The following CAST variants were observed in gnomAD, a reference collection of about 807,000 sequenced individuals.
CAST encodes MIR583 host.
A neutral mutation model predicts 119.6 loss-of-function variants in CAST; 76 were observed. The ratio of observed to expected loss-of-function variants is 0.64; its 90% CI spans 0.53 to 0.77. The LOEUF is 0.77. Among genes scored for constraint, CAST ranks in the 30% least tolerant of loss-of-function variants. CAST has a pLI of 0.00. For missense variants in CAST, 953 were observed against 946.5 expected (o/e 1.01, Z -0.09); for synonymous variants, 319 against 331.6 (o/e 0.96, Z 0.41).
At chr5:96,495,064 G>A in the CAST span, among the ~76,000 whole-genome samples, 3 of 150,552 alleles carry the variant, frequency 2.0e-5, no homozygotes, top group Admixed American at 1.3e-4. Flanking sequence ...GTTGTACTGA[G>A]CCGAGATCGG....
chr5:96,739,682 A>G (rs919963899), intron 11 of CAST, among the ~76,000 whole-genome samples: 4 of 152,232 alleles, frequency 2.6e-5, no homozygotes, highest in East Asian at 1.9e-4. Flanking sequence ...AGAAATGACA[A>G]AGCTGATAGA....
the CAST span, among the ~76,000 whole-genome samples, chr5:96,283,230 T>A: frequency 6.6e-6 from 1 of 152,166 alleles, no homozygotes; most frequent in Non-Finnish European, 1.5e-5. Context: ...TTTATTTATA[T>A]AACATAGATT....
the CAST span, among the ~76,000 whole-genome samples, chr5:96,443,678 C>G: frequency 6.6e-6 from 1 of 152,206 alleles, no homozygotes; most frequent in African/African-American, 2.4e-5. Context: ...CCTAAGCCCA[C>G]AGATTGTGAT....
chr5:96,087,154 C>G, the CAST span, among the ~76,000 whole-genome samples: 1 of 152,196 alleles, frequency 6.6e-6, no homozygotes, highest in African/African-American at 2.4e-5. Flanking sequence ...TGATATTAGA[C>G]AGTATTCCGT....
chr5:96,426,136 C>A, the CAST span, among the ~76,000 whole-genome samples: 1 of 152,112 alleles, frequency 6.6e-6, no homozygotes, highest in Non-Finnish European at 1.5e-5. Flanking sequence ...TAAAGTGCAC[C>A]TTTAGGGGGA....
chr5:96,233,822 C>T, the CAST span, among the ~76,000 whole-genome samples: 1 of 152,040 alleles, frequency 6.6e-6, no homozygotes, highest in Non-Finnish European at 1.5e-5. Context: ...ATATATAAAA[C>T]AGAAACCTTA....
the CAST span, among the ~76,000 whole-genome samples, chr5:95,988,345 G>A: frequency 2.6e-5 from 4 of 151,990 alleles, no homozygotes; most frequent in African/African-American, 9.7e-5. Context: ...CCTACCACAG[G>A]CAGTATACAA....
At chr5:96,307,552 G>A in the CAST span, among the ~76,000 whole-genome samples, 1 of 152,170 alleles carries the variant, frequency 6.6e-6, no homozygotes, top group South Asian at 2.1e-4. Context: ...AGTGTCTATG[G>A]TCTTTACAAT....
At chr5:96,564,858 G>A (rs770432439) in intron 1 of CAST, among the ~76,000 whole-genome samples, 1 of 152,184 alleles carries the variant, frequency 6.6e-6, no homozygotes, top group Non-Finnish European at 1.5e-5. Context: ...GCAGTGAGCT[G>A]TGATTGTGCC....
At chr5:96,358,272 A>G in the CAST span, among the ~76,000 whole-genome samples, 1 of 152,058 alleles carries the variant, frequency 6.6e-6, no homozygotes, top group East Asian at 1.9e-4. Context: ...TAATCTTTTC[A>G]AAAAACCAGT....
chr5:96,619,690 C>T (rs148214995), intron 1 of CAST, among the ~76,000 whole-genome samples: 25 of 152,170 alleles, frequency 1.6e-4, no homozygotes, highest in African/African-American at 4.8e-4. Flanking sequence ...GAAGCAACTC[C>T]GAACGCATCC....
chr5:96,680,354 C>CAAAAAAAAAAAAAAAAAAAAAAAAAA (rs71617135), intron 2 of CAST, among the ~76,000 whole-genome samples: 4 of 29,268 alleles, frequency 1.4e-4, no homozygotes, highest in African/African-American at 6.0e-4. Context: ...GACTCTGTCT[C>CAAAAAAAAAAAAAAAAAAAAAAAAAA]AAAAAAAAAA....
the CAST span, among the ~76,000 whole-genome samples, chr5:96,419,054 G>C: frequency 2.6e-5 from 4 of 151,750 alleles, no homozygotes; most frequent in African/African-American, 9.7e-5. Context: ...GTATGTCCAA[G>C]CCAAATATCC....
At position 96,648,714 on chromosome 5, in the gene CAST, A is replaced by ATGTG. The variant is rs1272998788; in HGVS notation, c.61-26823_61-26822insTGTG. 4.3e-4 allele frequency among the ~76,000 whole-genome samples: 47 copies of ATGTG among 108,414 alleles called. 1 individual carries two copies. Among genetic ancestry groups the ATGTG allele is most frequent in the Admixed American group, 3.6e-3 (35 of 9,590 alleles). 71.1% of individuals were successfully genotyped at this position (108,414 alleles called of 152,430 possible). A position where few individuals can be genotyped will look rare whatever the true frequency, so the allele number is the denominator to read the frequency against. Reference sequence around the variant, plus strand: ...ACTGGGAGAAGTTTTATTTATATATATGCGTGTGTGTGTGTGTGTGTGTGT... The same window carrying ATGTG: ...ACTGGGAGAAGTTTTATTTATATATATGTGTGCGTGTGTGTGTGTGTGTGTGTGT... On this transcript the variant is annotated intron_variant, in intron 1 of 11. Transcript: ENST00000505143.
the CAST span, among the ~76,000 whole-genome samples, chr5:96,273,263 C>A: frequency 6.6e-6 from 1 of 151,998 alleles, no homozygotes; most frequent in Non-Finnish European, 1.5e-5. Context: ...CTGTGAAGTG[C>A]CATCATGGAA....
At chr5:96,610,065 A>T (rs558749239) in intron 1 of CAST, among the ~76,000 whole-genome samples, 3 of 152,316 alleles carry the variant, frequency 2.0e-5, no homozygotes, top group African/African-American at 7.2e-5. Context: ...GAGGTAATTG[A>T]ATTATTGGGG....
chr5:95,978,715 T>C, the CAST span, among the ~76,000 whole-genome samples: 3 of 152,322 alleles, frequency 2.0e-5, no homozygotes, highest in East Asian at 5.8e-4. Context: ...ACTGAAACTA[T>C]AAGAAGGAGT....
chr5:96,036,615 A>G, the CAST span, among the ~76,000 whole-genome samples: 1 of 152,180 alleles, frequency 6.6e-6, no homozygotes, highest in Non-Finnish European at 1.5e-5. Flanking sequence ...ATTGCTTAGG[A>G]AACTTTAATT....
chr5:96,672,728 A>C (rs1383358925), intron 1 of CAST, among the ~76,000 whole-genome samples: 1 of 151,350 alleles, frequency 6.6e-6, no homozygotes, highest in African/African-American at 2.4e-5. Context: ...AAAAAAAAAA[A>C]AGAACTGGAA....
Sources: allele counts gnomAD v4.1 joint callset (sites outside exome capture counted in the v4.1 genomes callset), GRCh38; gene constraint gnomAD v4.1.1; transcripts MANE v1.5; gene names NCBI Gene and HGNC (gene_info 2026-07-23, HGNC 2026-07-21).